The following DNAH3 variants were observed in gnomAD, a reference collection of about 807,000 sequenced individuals.
DNAH3 encodes dynein axonemal heavy chain 3, also known as axonemal beta dynein heavy chain 3.
A neutral mutation model predicts 432.5 loss-of-function variants in DNAH3; 332 were observed. That is an observed-to-expected ratio of 0.77 (90% confidence interval 0.70 to 0.84). The LOEUF is 0.84. Ranked by LOEUF, DNAH3 falls within the 40% of genes least tolerant of loss-of-function variation. The pLI, the probability that DNAH3 is intolerant of heterozygous loss-of-function variation, is 0.00. For synonymous variants in DNAH3, 1,956 were observed against 1,900.2 expected (o/e 1.03, Z -0.76); for missense variants, 4,861 against 5,114.0 (o/e 0.95, Z 1.51).
At chr16:21,132,726 G>A (rs993346534) in intron 7 of DNAH3, among the ~76,000 whole-genome samples, 3 of 152,192 alleles carry the variant, frequency 2.0e-5, no homozygotes, top group Admixed American at 1.3e-4. Flanking sequence ...TAGTGGTTGG[G>A]AGGAAATGGG....
In DNAH3 at chr16:21,019,874, AAGTG is replaced by A; in HGVS notation, c.5777-9_5777-6del. On this transcript the variant is annotated splice_region_variant and splice_polypyrimidine_tract_variant and intron_variant, in intron 40 of 61. Transcript: ENST00000261383. ...CTTCTACTGCCCTGATTTCATCTAA[AAGTG>A]AGAAAAGCGAATCTCAGGACAGAGT... 2 of 1,613,680 alleles carry A rather than the reference AAGTG, an allele frequency of 1.2e-6. No homozygotes were observed. The highest frequency in any genetic ancestry group is 8.5e-7 in the Non-Finnish European group (1 of 1,179,708).
At chr16:21,159,326 T>G in exon 1 of DNAH3, 5 of 1,613,706 alleles carry the variant, frequency 3.1e-6, no homozygotes, top group South Asian at 1.1e-5. Flanking sequence ...CCTCTCCACC[T>G]GCATTTCACT....
At position 20,975,488 on chromosome 16, in the gene DNAH3, T is replaced by C; in HGVS notation, c.8077-73A>G. On this transcript the variant is annotated intron_variant, in intron 50 of 61. Coordinates refer to ENST00000261383, the Ensembl canonical transcript of DNAH3. ...GCAAAGTAGACAAGAATTGAAATGA[T>C]TCTCCAACCTATGACATAAGCAGAA... 5 of 1,426,588 alleles carry C rather than the reference T, an allele frequency of 3.5e-6. 1 individual carries two copies. In the South Asian group the frequency reaches 6.3e-5, roughly 18 times the overall value. The allele number at this position is 1,426,588 out of a possible 1,614,324, so 88.4% of individuals were successfully genotyped here. A position where few individuals can be genotyped will look rare whatever the true frequency, so the allele number is the denominator to read the frequency against.
At chr16:21,120,105 CT>C (rs35011784) in intron 11 of DNAH3, among the ~76,000 whole-genome samples, 1,403 of 128,526 alleles carry the variant, frequency 0.011, 10 homozygotes, top group South Asian at 0.03. Context: ...TCCCTACCAA[CT>C]TTTTTTTTTT....
chr16:21,150,226 C>T, intron 1 of DNAH3, 64 bp downstream of exon 2: 1 of 326,208 alleles, frequency 3.1e-6, no homozygotes, highest in Non-Finnish European at 5.6e-6. Context: ...AACTCTGTCT[C>T]AAAATAAAAA....
chr16:21,067,776 G>GGAGGGAGAGAGAGAGAGAGAGAGA (rs374291201), intron 23 of DNAH3, among the ~76,000 whole-genome samples: 2 of 40,894 alleles, frequency 4.9e-5, no homozygotes, highest in African/African-American at 2.5e-4. Context: ...GGGTGGGGAG[G>GGAGGGAGAGAGAGAGAGAGAGAGA]GAGAGAGAGA....
intron 1 of DNAH3, among the ~76,000 whole-genome samples, chr16:21,149,797 T>C (rs1033267048): frequency 1.3e-5 from 2 of 152,130 alleles, no homozygotes; most frequent in Non-Finnish European, 2.9e-5. Context: ...AACTTGAAGA[T>C]TTCCAAAAGT....
chr16:20,976,667 G>A (rs1213327002), intron 50 of DNAH3, among the ~76,000 whole-genome samples: 2 of 152,172 alleles, frequency 1.3e-5, no homozygotes, highest in Non-Finnish European at 2.9e-5. Flanking sequence ...AATTATAGGC[G>A]AGGTCTTTGA....
At chr16:20,967,673 T>A (rs2085126388) in intron 52 of DNAH3, among the ~76,000 whole-genome samples, 1 of 151,586 alleles carries the variant, frequency 6.6e-6, no homozygotes, top group Non-Finnish European at 1.5e-5. Context: ...GCTAATTTTT[T>A]TTTTTGGTAT....
At chr16:21,085,131 C>T (rs1037299159) in intron 19 of DNAH3, among the ~76,000 whole-genome samples, 1 of 151,830 alleles carries the variant, frequency 6.6e-6, no homozygotes, top group Middle Eastern at 3.2e-3. Flanking sequence ...GTAATCCCAG[C>T]ACTTTAGGAG....
chr16:21,101,352 CTGTGTGTATGTG>C (rs1261257110), intron 16 of DNAH3, among the ~76,000 whole-genome samples: 3 of 152,112 alleles, frequency 2.0e-5, no homozygotes, highest in Non-Finnish European at 4.4e-5. Flanking sequence ...CAGTGACTAG[CTGTGTGTATGTG>C]TGTGTGTATA....
chr16:21,109,736 T>TC (rs2092027752), intron 14 of DNAH3, among the ~76,000 whole-genome samples: 1 of 147,900 alleles, frequency 6.8e-6, no homozygotes, highest in Admixed American at 6.8e-5. Context: ...ACCTCTCTCT[T>TC]TTTTTTTTTT....
intron 55 of DNAH3, among the ~76,000 whole-genome samples, chr16:20,953,932 G>A (rs553936326): frequency 2.0e-5 from 3 of 152,100 alleles, no homozygotes; most frequent in East Asian, 1.9e-4. Context: ...TTCACTTAGC[G>A]TAATGTCCTC....
chr16:21,098,586 G>A, intron 17 of DNAH3, 30 bp downstream of exon 17: 2 of 1,597,200 alleles, frequency 1.3e-6, no homozygotes, highest in Non-Finnish European at 1.7e-6. Context: ...CCAGTACAGT[G>A]TCATAAGTCC....
chr16:21,125,111 C>T (rs2152815755), intron 9 of DNAH3, 64 bp downstream of exon 10: 2 of 1,413,648 alleles, frequency 1.4e-6, no homozygotes, highest in South Asian at 2.9e-5. Flanking sequence ...TGACAGAGTC[C>T]TGGCTCTAAC....
intron 41 of DNAH3, among the ~76,000 whole-genome samples, chr16:21,013,531 A>C (rs1164342509): frequency 6.6e-6 from 1 of 151,938 alleles, no homozygotes; most frequent in African/African-American, 2.4e-5. Flanking sequence ...GACTAGCCTG[A>C]CCAACGTGGA....
Position 20,957,808 on chromosome 16 carries a change from C to CAAAAAAAA in DNAH3, c.10826+1363_10826+1370dup, listed in dbSNP as rs762197650. Reference sequence around the variant, plus strand: ...GGCAATAAGAGCGAAACTCCATCTCCAAAAAAAAAAAAAAAAAAAAAAAAA... The same window carrying CAAAAAAAA: ...GGCAATAAGAGCGAAACTCCATCTCCAAAAAAAAAAAAAAAAAAAAAAAAAAAAAAAAA... On this transcript the variant is annotated intron_variant, in intron 54 of 61. Coordinates refer to ENST00000261383, the Ensembl canonical transcript of DNAH3. Among the ~76,000 whole-genome samples, 206 of 53,240 alleles carry CAAAAAAAA rather than the reference C, an allele frequency of 3.9e-3. 15 individuals are homozygous for CAAAAAAAA. The highest frequency in any genetic ancestry group is 0.01 in the Middle Eastern group (1 of 100). 34.9% of individuals were successfully genotyped at this position (53,240 alleles called of 152,430 possible).
chr16:21,148,386 A>G (rs1186231114), intron 1 of DNAH3, among the ~76,000 whole-genome samples: 1 of 152,020 alleles, frequency 6.6e-6, no homozygotes, highest in Non-Finnish European at 1.5e-5. Flanking sequence ...CTAGCCATGT[A>G]ATTGGCCGGC....
intron 1 of DNAH3, among the ~76,000 whole-genome samples, chr16:21,153,725 A>G (rs2092879028): frequency 1.3e-5 from 2 of 152,108 alleles, no homozygotes; most frequent in African/African-American, 4.8e-5. Context: ...CATCAGAAGG[A>G]ACAAACTCCA....
Sources: allele counts gnomAD v4.1 joint callset (sites outside exome capture counted in the v4.1 genomes callset), GRCh38; gene constraint gnomAD v4.1.1; transcripts MANE v1.5; gene names NCBI Gene and HGNC (gene_info 2026-07-23, HGNC 2026-07-21).